Variants in GRM7 observed in about 807,000 individuals in gnomAD.
GRM7 encodes the protein glutamate metabotropic receptor 7.
A neutral mutation model predicts 84.5 loss-of-function variants in GRM7; 35 were observed. That is an observed-to-expected ratio of 0.41 (90% CI 0.32 to 0.55). GRM7 has a LOEUF of 0.55. Ranked by LOEUF, GRM7 falls within the 20% of genes least tolerant of loss-of-function variation. The pLI is 0.19. For missense variants in GRM7, 1,003 were observed against 1,194.6 expected, an observed-to-expected ratio of 0.84 and a Z score of 2.36; for synonymous variants, 487 against 455.1, an observed-to-expected ratio of 1.07 and a Z score of -0.89.
chr3:7,200,784 G>A (rs1696039181), intron 2 of GRM7, among the ~76,000 whole-genome samples: 1 of 152,044 alleles, frequency 6.6e-6, no homozygotes, highest in African/African-American at 2.4e-5. Flanking sequence ...ACATAGAAAT[G>A]CATCTCAAGT....
At chr3:7,289,061 C>T (rs989850200) in intron 2 of GRM7, among the ~76,000 whole-genome samples, 1 of 152,150 alleles carries the variant, frequency 6.6e-6, no homozygotes, top group African/African-American at 2.4e-5. Flanking sequence ...CATGTTTTAA[C>T]CTCATGAATT....
chr3:7,142,426 A>T (rs1034875235), intron 1 of GRM7, among the ~76,000 whole-genome samples: 1 of 152,050 alleles, frequency 6.6e-6, no homozygotes, highest in South Asian at 2.1e-4. Flanking sequence ...AAGGGGAAGC[A>T]GGGCACCTTC....
intron 1 of GRM7, among the ~76,000 whole-genome samples, chr3:7,059,013 T>C (rs775027489): frequency 1.3e-5 from 2 of 151,854 alleles, no homozygotes; most frequent in Non-Finnish European, 2.9e-5. Context: ...GCTAAGAACA[T>C]AAAGTACAAT....
chr3:6,892,149 T>C (rs1695981351), intron 1 of GRM7, among the ~76,000 whole-genome samples: 1 of 152,114 alleles, frequency 6.6e-6, no homozygotes, highest in African/African-American at 2.4e-5. Context: ...TTTTTTTCTC[T>C]TTATCAGTCT....
chr3:6,929,807 T>C (rs1697436053), intron 1 of GRM7, among the ~76,000 whole-genome samples: 1 of 152,126 alleles, frequency 6.6e-6, no homozygotes, highest in Non-Finnish European at 1.5e-5. Flanking sequence ...TGAAAGATGC[T>C]GACGGCACAC....
chr3:7,567,953 G>C (rs773486391), intron 7 of GRM7, among the ~76,000 whole-genome samples: 1 of 151,910 alleles, frequency 6.6e-6, no homozygotes, highest in Non-Finnish European at 1.5e-5. Context: ...ATCTAGCAGG[G>C]TGTCCCAGTT....
At chr3:7,457,306 C>T (rs1698058854) in intron 6 of GRM7, among the ~76,000 whole-genome samples, 1 of 152,068 alleles carries the variant, frequency 6.6e-6, no homozygotes, top group Admixed American at 6.6e-5. Context: ...AAGTATTTAG[C>T]CTCCTCTTAT....
At chr3:7,646,701 A>T (rs1698660824) in intron 8 of GRM7, among the ~76,000 whole-genome samples, 1 of 152,130 alleles carries the variant, frequency 6.6e-6, no homozygotes, top group East Asian at 1.9e-4. Context: ...TTGGGGGGGA[A>T]GGTTATATGT....
chr3:7,276,205 ATATG>A (rs1345658700), intron 2 of GRM7, among the ~76,000 whole-genome samples: 1,203 of 89,932 alleles, frequency 0.013, 11 homozygotes, highest in Admixed American at 0.017. Flanking sequence ...ATATATATAT[ATATG>A]TGTGTGTGTG....
intron 1 of GRM7, among the ~76,000 whole-genome samples, chr3:6,960,355 C>T (rs1044155725): frequency 6.6e-6 from 1 of 152,152 alleles, no homozygotes; most frequent in South Asian, 2.1e-4. Flanking sequence ...ACCTTTGAAG[C>T]CCACTAATCA....
chr3:7,683,847 C>A (rs1490872695), intron 9 of GRM7, among the ~76,000 whole-genome samples: 1 of 152,130 alleles, frequency 6.6e-6, no homozygotes, highest in East Asian at 1.9e-4. Flanking sequence ...TAGAAATTGA[C>A]AAGGATTTTA....
intron 1 of GRM7, among the ~76,000 whole-genome samples, chr3:7,064,491 C>CATAT (rs145425493): frequency 7.2e-5 from 5 of 69,642 alleles, no homozygotes; most frequent in Admixed American, 1.6e-4. Context: ...CACACATATA[C>CATAT]ATATATATAT....
intron 8 of GRM7, among the ~76,000 whole-genome samples, chr3:7,650,641 T>C (rs1162870546): frequency 1.3e-5 from 2 of 152,256 alleles, no homozygotes; most frequent in African/African-American, 4.8e-5. Flanking sequence ...TGGAATTCCT[T>C]TCTGTCTACA....
At chr3:7,559,986 C>T (rs1345986005) in intron 7 of GRM7, among the ~76,000 whole-genome samples, 1 of 152,054 alleles carries the variant, frequency 6.6e-6, no homozygotes, top group Non-Finnish European at 1.5e-5. Flanking sequence ...CTCATTTAAA[C>T]TTACTCAGCT....
chr3:7,123,768 A>G (rs1693303321), intron 1 of GRM7, among the ~76,000 whole-genome samples: 1 of 152,172 alleles, frequency 6.6e-6, no homozygotes, highest in Non-Finnish European at 1.5e-5. Context: ...GGATTTGCCT[A>G]TGCTTCTAAA....
At chr3:7,156,954 C>T (rs1427332513) in intron 2 of GRM7, among the ~76,000 whole-genome samples, 1 of 145,646 alleles carries the variant, frequency 6.9e-6, no homozygotes, top group Non-Finnish European at 1.5e-5. Context: ...GATACTTAAG[C>T]AGAAAAAAAA....
At chr3:6,884,260 G>T (rs1695614273) in intron 1 of GRM7, 1 of 152,598 alleles carries the variant, frequency 6.6e-6, no homozygotes, top group Admixed American at 6.5e-5. Flanking sequence ...ATGTTATCAT[G>T]TTTGACCCCT....
At chr3:7,093,806 A>G (rs1448061850) in intron 1 of GRM7, among the ~76,000 whole-genome samples, 1 of 149,296 alleles carries the variant, frequency 6.7e-6, no homozygotes, top group African/African-American at 2.5e-5. Context: ...AAGCTCCCCT[A>G]TTGAATACTT....
chr3:7,459,743 G>A (rs1445010364), intron 6 of GRM7, among the ~76,000 whole-genome samples: 1 of 152,116 alleles, frequency 6.6e-6, no homozygotes, highest in Non-Finnish European at 1.5e-5. Flanking sequence ...AATTCAAGAT[G>A]AGATTTGAGT....
Sources: allele counts gnomAD v4.1 joint callset (sites outside exome capture counted in the v4.1 genomes callset), GRCh38; gene constraint gnomAD v4.1.1; transcripts MANE v1.5; gene names NCBI Gene and HGNC (gene_info 2026-07-23, HGNC 2026-07-21).